PIGN: variants seen among roughly 807,000 people sequenced by gnomAD.
The protein encoded by PIGN is GPI ethanolamine phosphate transferase 1.
A neutral mutation model predicts 125.4 loss-of-function variants in PIGN; 117 were observed. The ratio of observed to expected loss-of-function variants is 0.93; its 90% CI spans 0.80 to 1.09. PIGN has a LOEUF of 1.09. Ranked by LOEUF, PIGN falls within the 50% of genes least tolerant of loss-of-function variation. The pLI, the probability that PIGN is intolerant of heterozygous loss-of-function variation, is 0.00. For missense variants in PIGN, 1,075 were observed against 1,094.9 expected (o/e 0.98, Z 0.26); for synonymous variants, 392 against 377.8 (o/e 1.04, Z -0.44).
chr18:62,175,267 T>C (rs977651669), intron 1 of PIGN, among the ~76,000 whole-genome samples: 8 of 151,716 alleles, frequency 5.3e-5, no homozygotes, highest in African/African-American at 1.2e-4. Flanking sequence ...TGCAGAAAAC[T>C]ACACAATGTA....
chr18:62,184,572 A>G (rs1221229851), intron 1 of PIGN: 1 of 152,204 alleles, frequency 6.6e-6, no homozygotes, highest in Non-Finnish European at 1.5e-5. Flanking sequence ...CAAACACACA[A>G]GTTCATGGTT....
chr18:62,124,020 A>T (rs547210817), intron 14 of PIGN, among the ~76,000 whole-genome samples: 27 of 152,308 alleles, frequency 1.8e-4, no homozygotes, highest in Middle Eastern at 3.4e-3. Context: ...GAAGCATCAT[A>T]TAGAGAGACT....
At position 62,043,806 on chromosome 18, in the gene PIGN, T is replaced by G. The variant is rs1025986502; in HGVS notation, c.*2050A>C. The stretch of plus-strand genomic sequence containing the variant: ...CACAACTTGTTCTGCCTATTTTAAT[T>G]CTTATAACAATTCCTAATTTAAACA... On this transcript the variant is annotated 3_prime_UTR_variant, in exon 31 of 31. Transcript: ENST00000640252. 1 of 152,208 alleles carries G rather than the reference T, an allele frequency of 6.6e-6. No individual in the cohort carries two copies. Among genetic ancestry groups the G allele is most frequent in the Non-Finnish European group, 1.5e-5 (1 of 68,032 alleles). The allele number at this position is 152,208 out of a possible 1,614,324, so 9.4% of individuals were successfully genotyped here. A position where few individuals can be genotyped will look rare whatever the true frequency, so the allele number is the denominator to read the frequency against.
At chr18:62,118,926 C>T (rs1223311786) in intron 14 of PIGN, among the ~76,000 whole-genome samples, 1 of 147,118 alleles carries the variant, frequency 6.8e-6, no homozygotes, top group African/African-American at 2.5e-5. Context: ...TTGTATAGAA[C>T]AAGAGGACAA....
At chr18:62,072,806 G>A (rs2032961974) in intron 29 of PIGN, 81 bp from the exon 30 acceptor site, 1 of 1,019,798 alleles carries the variant, frequency 9.8e-7, no homozygotes, top group Admixed American at 2.7e-5. Context: ...AGGACTGTAT[G>A]TTTCAGATTT....
intron 1 of PIGN, among the ~76,000 whole-genome samples, chr18:62,179,143 T>C (rs554774577): frequency 6.6e-6 from 1 of 152,306 alleles, no homozygotes; most frequent in Non-Finnish European, 1.5e-5. Context: ...ATACATAAAG[T>C]ACCATTTTCT....
At chr18:62,184,658 A>G (rs1178199514) in intron 1 of PIGN, 2 of 152,228 alleles carry the variant, frequency 1.3e-5, no homozygotes, top group Admixed American at 1.3e-4. Flanking sequence ...GCAAGTTCTT[A>G]CAACTCTGAG....
intron 28 of PIGN, chr18:62,075,110 T>A (rs143503709): frequency 3.7e-6 from 1 of 271,482 alleles, no homozygotes; most frequent in African/African-American, 2.2e-5. Context: ...TTAACTAATA[T>A]GCAATTTCAA....
At chr18:62,137,869 G>C (rs772084678) in intron 14 of PIGN, 1 of 180,088 alleles carries the variant, frequency 5.6e-6, no homozygotes, top group Non-Finnish European at 1.1e-5. Flanking sequence ...TTTGTCTCCT[G>C]AACTAGTTCT....
intron 17 of PIGN, 135 bp from the exon 18 acceptor site, chr18:62,107,220 C>T (rs563306774): frequency 3.9e-5 from 25 of 637,838 alleles, no homozygotes; most frequent in South Asian, 1.8e-4. Context: ...TAAGCTCTAA[C>T]GGATTTGTTT....
At chr18:62,051,232 G>C (rs1395430642) in intron 30 of PIGN, among the ~76,000 whole-genome samples, 1 of 152,146 alleles carries the variant, frequency 6.6e-6, no homozygotes, top group African/African-American at 2.4e-5. Context: ...AGTTAGGGAG[G>C]ATTCCCTCTT....
At chr18:62,150,155 T>G (rs966895091) in intron 7 of PIGN, among the ~76,000 whole-genome samples, 2 of 152,148 alleles carry the variant, frequency 1.3e-5, no homozygotes, top group Non-Finnish European at 2.9e-5. Flanking sequence ...CTAATTTTTT[T>G]GTATTTTTAG....
chr18:62,155,837 C>G (rs1418056702), intron 6 of PIGN, among the ~76,000 whole-genome samples: 2 of 152,170 alleles, frequency 1.3e-5, no homozygotes, highest in Admixed American at 1.3e-4. Context: ...CTTACCACCA[C>G]CAGCTCCCAA....
chr18:62,126,241 AAAT>A (rs1469106457), intron 14 of PIGN, among the ~76,000 whole-genome samples: 1 of 152,154 alleles, frequency 6.6e-6, no homozygotes, highest in Non-Finnish European at 1.5e-5. Context: ...TATAACATTT[AAAT>A]AATAATTATC....
intron 30 of PIGN, among the ~76,000 whole-genome samples, chr18:62,050,766 C>A (rs1451500923): frequency 1.3e-5 from 2 of 152,096 alleles, no homozygotes; most frequent in Non-Finnish European, 2.9e-5. Flanking sequence ...AGAGGGCATC[C>A]CTGTCTTGTG....
chr18:62,130,695 T>C (rs1235319992), intron 14 of PIGN, among the ~76,000 whole-genome samples: 2 of 152,188 alleles, frequency 1.3e-5, no homozygotes, highest in African/African-American at 2.4e-5. Context: ...GGTCAGCTAG[T>C]GTTTAGAGGA....
intron 1 of PIGN, among the ~76,000 whole-genome samples, chr18:62,181,778 G>A (rs2037726102): frequency 6.6e-6 from 1 of 152,120 alleles, no homozygotes; most frequent in Non-Finnish European, 1.5e-5. Flanking sequence ...CCAGGCTGGA[G>A]TGCAGTGGCG....
At chr18:62,135,765 T>C (rs2035909226) in intron 14 of PIGN, 1 of 151,924 alleles carries the variant, frequency 6.6e-6, no homozygotes, top group Non-Finnish European at 1.5e-5. Context: ...TAGCTGGGAT[T>C]ACAAGCAGGT....
At chr18:62,048,291 T>C (rs774284775) in intron 30 of PIGN, among the ~76,000 whole-genome samples, 1 of 152,154 alleles carries the variant, frequency 6.6e-6, no homozygotes, top group Non-Finnish European at 1.5e-5. Flanking sequence ...CTCACAGGAA[T>C]AGTGGCTGAA....
Sources: allele counts gnomAD v4.1 joint callset (sites outside exome capture counted in the v4.1 genomes callset), GRCh38; gene constraint gnomAD v4.1.1; transcripts MANE v1.5; gene names NCBI Gene and HGNC (gene_info 2026-07-23, HGNC 2026-07-21).